The following STOML2 variants were observed in gnomAD, a reference collection of about 807,000 sequenced individuals.
The protein encoded by STOML2 is stomatin-like protein 2, mitochondrial.
STOML2 carries 22 observed loss-of-function variants against 45.7 expected under a neutral mutation model. The observed-to-expected ratio is 0.48, with a 90% CI of 0.34 to 0.69. The LOEUF (loss-of-function observed/expected upper bound fraction) is 0.69, where lower values mean the gene tolerates loss of function less well. Among genes scored for constraint, STOML2 ranks in the 30% least tolerant of loss-of-function variants. STOML2 has a pLI of 0.01. For synonymous variants in STOML2, 181 were observed against 182.7 expected (o/e 0.99, Z 0.08); for missense variants, 359 against 466.9 (o/e 0.77, Z 2.13).
At position 35,101,606 on chromosome 9, in the gene STOML2, G is replaced by A. The variant is rs759842268; in HGVS notation, c.445-46C>T. The A allele has an allele frequency of 1.2e-6, 2 of 1,613,842 alleles. No homozygotes were observed. Among genetic ancestry groups the A allele is most frequent in the East Asian group, 4.5e-5 (2 of 44,866 alleles). On this transcript the variant is annotated intron_variant, in intron 5 of 9. Coordinates refer to ENST00000356493, the MANE Select transcript of STOML2 (RefSeq NM_013442.3). This position sits in a 1 kb window ranked among gnomAD's most constrained non-coding sequence, Gnocchi z 4.3. ...CCCACAGCCTCAACCTACCTATCAA[G>A]GGCCTACACTGAGAAGGGCCTGGGA...
In STOML2 at chr9:35,102,015, GTTCT is replaced by G; in HGVS notation, c.284-57_284-54del. The G allele has an allele frequency of 6.2e-7, 1 of 1,613,248 alleles. No individual in the cohort carries two copies. Among genetic ancestry groups the G allele is most frequent in the South Asian group, 1.1e-5 (1 of 91,050 alleles). ...AAGTCAGGCCTCTAGGTCCCAACCA[GTTCT>G]TTCTACTAAGCTCTGGATCTACAGC... On this transcript the variant is annotated intron_variant, in intron 3 of 9. Coordinates refer to ENST00000356493, the MANE Select transcript of STOML2 (RefSeq NM_013442.3). This position sits in a 1 kb window ranked among gnomAD's most constrained non-coding sequence, Gnocchi z 4.8.
Sources: gnomAD v4.1 joint callset for allele counts on GRCh38, gnomAD v4.1.1 for gene constraint, Gnocchi (gnomAD v3.1) non-coding constraint, MANE v1.5 for transcripts, NCBI Gene and HGNC (gene_info 2026-07-23, HGNC 2026-07-21) for gene names.